IQSEC3: variants seen among roughly 807,000 people sequenced by gnomAD.
IQSEC3 encodes IQ motif and Sec7 domain ArfGEF 3.
Under a neutral mutation model 105.4 loss-of-function variants are expected in IQSEC3, and 50 were observed. That is an observed-to-expected ratio of 0.47 (90% CI 0.38 to 0.60). The LOEUF (loss-of-function observed/expected upper bound fraction) is 0.60. Among genes scored for constraint, IQSEC3 ranks in the 20% least tolerant of loss-of-function variants. The pLI, the probability that IQSEC3 is intolerant of heterozygous loss-of-function variation, is 0.00. For missense variants in IQSEC3, 1,415 were observed against 1,630.0 expected, an observed-to-expected ratio of 0.87 and a Z score of 2.27; for synonymous variants, 708 against 746.0, an observed-to-expected ratio of 0.95 and a Z score of 0.83.
At chr12:171,411 C>A in intron 13 of IQSEC3, 1 of 1,228,072 alleles carries the variant, frequency 8.1e-7, no homozygotes, top group East Asian at 2.3e-5. Context: ...GCCGAGCTCC[C>A]AGACTAACAC....
intron 3 of IQSEC3, among the ~76,000 whole-genome samples, chr12:129,123 G>A (rs1555084317): frequency 6.6e-6 from 1 of 152,256 alleles, no homozygotes; most frequent in African/African-American, 2.4e-5. Flanking sequence ...ATTGCCTGTT[G>A]CCTCCTCTGT....
intron 2 of IQSEC3, among the ~76,000 whole-genome samples, chr12:110,641 AT>A (rs1864850597): frequency 6.6e-6 from 1 of 151,920 alleles, no homozygotes; most frequent in South Asian, 2.1e-4. Flanking sequence ...CCTTATAATC[AT>A]TCCCCTCTCT....
Position 82,947 on chromosome 12 carries a change from G to T in IQSEC3, c.554+15511G>T, listed in dbSNP as rs188167235. On this transcript the variant is annotated intron_variant, in intron 1 of 13. Coordinates refer to ENST00000538872, the MANE Select transcript of IQSEC3 (RefSeq NM_001170738.2). ...GACTGTTGTTCAGCAGGGGATAGGG[G>T]AAAGAAGACAGCCACAAATGCTTGC... 3.0e-3 allele frequency among the ~76,000 whole-genome samples: 454 copies of T among 152,342 alleles called. 2 individuals carry two copies. Among genetic ancestry groups the T allele is most frequent in the African/African-American group, 0.01 (434 of 41,576 alleles).
rs782173768 is a variant in IQSEC3, at chr12:138,752, C to G, written c.1389C>G (p.Pro463=). Residue 463 remains proline, a synonymous_variant, in exon 4 of 14, where the codon CCC becomes CCG. Coordinates refer to ENST00000538872, the MANE Select transcript of IQSEC3 (RefSeq NM_001170738.2). This position sits in a 1 kb window ranked among gnomAD's most constrained non-coding sequence, Gnocchi z 7.1. ...CGCCGGAGAGCGCGGGCCCCGGGCC[C>G]GGGGATGACGCCGCGGAGACCCCCG... ...GRAPESAGPG[P]GDDAAETPGL... The G allele has an allele frequency of 3.9e-6, 6 of 1,548,676 alleles. No individual in the cohort carries two copies. In the South Asian group the frequency reaches 7.1e-5, roughly 18 times the overall value.
chr12:102,446 C>T (rs1041084917), intron 2 of IQSEC3, among the ~76,000 whole-genome samples: 11 of 152,256 alleles, frequency 7.2e-5, no homozygotes, highest in African/African-American at 2.2e-4. Context: ...ACTCCAGCTC[C>T]GGGGCTGAGC....
chr12:124,184 C>T (rs978872074), intron 2 of IQSEC3, among the ~76,000 whole-genome samples: 9 of 151,842 alleles, frequency 5.9e-5, no homozygotes, highest in African/African-American at 1.5e-4. Flanking sequence ...GTCAGGAGTT[C>T]GAGACCAGCC....
chr12:169,167 T>C, intron 12 of IQSEC3, 62 bp downstream of exon 12: 2 of 1,370,696 alleles, frequency 1.5e-6, no homozygotes, highest in Non-Finnish European at 2.1e-6. Flanking sequence ...ACCCTGGGTG[T>C]GGGTCCTGGG....
intron 2 of IQSEC3, among the ~76,000 whole-genome samples, chr12:124,729 G>A (rs1378873379): frequency 1.3e-5 from 2 of 152,252 alleles, no homozygotes; most frequent in Non-Finnish European, 2.9e-5. Flanking sequence ...GCCTCATGGA[G>A]GAGGTGGCTT....
chr12:126,425 G>T (rs570039236), intron 3 of IQSEC3, among the ~76,000 whole-genome samples: 7 of 152,224 alleles, frequency 4.6e-5, no homozygotes, highest in Non-Finnish European at 1.0e-4. Flanking sequence ...ATTCCATGGA[G>T]GGGCCTGGGC....
chr12:125,958 C>CT, intron 3 of IQSEC3, 46 bp downstream of exon 3: 1 of 1,505,208 alleles, frequency 6.6e-7, no homozygotes, highest in South Asian at 1.2e-5. Context: ...TGAAGGGGCC[C>CT]TGCTTTGGGG....
intron 12 of IQSEC3, 100 bp downstream of exon 12, chr12:169,205 C>G (rs548078997): frequency 8.5e-6 from 8 of 945,506 alleles, no homozygotes; most frequent in Admixed American, 2.2e-5. Context: ...TGCCCATTCC[C>G]GTGGCGTGTT....
At chr12:121,463 C>T (rs1865215385) in intron 2 of IQSEC3, among the ~76,000 whole-genome samples, 1 of 152,174 alleles carries the variant, frequency 6.6e-6, no homozygotes, top group Non-Finnish European at 1.5e-5. Flanking sequence ...TGGCAAAGCA[C>T]CAAAGCTCAA....
chr12:134,732 T>TA (rs1219788938), intron 3 of IQSEC3, among the ~76,000 whole-genome samples: 9 of 149,622 alleles, frequency 6.0e-5, no homozygotes, highest in East Asian at 1.9e-4. Flanking sequence ...CTGTCTCTAC[T>TA]AAAAAAAATA....
chr12:170,186 G>A (rs1938902638), intron 12 of IQSEC3, among the ~76,000 whole-genome samples: 3 of 152,204 alleles, frequency 2.0e-5, no homozygotes. Flanking sequence ...AATTCTCCAC[G>A]CTGCCTGATC....
chr12:113,866 G>A (rs1339146443), intron 2 of IQSEC3, among the ~76,000 whole-genome samples: 2 of 152,206 alleles, frequency 1.3e-5, no homozygotes, highest in Non-Finnish European at 2.9e-5. Context: ...GAGAGGCGAG[G>A]AAGTGGCAAA....
chr12:160,609 C>A (rs946572837), intron 7 of IQSEC3, among the ~76,000 whole-genome samples: 21 of 152,116 alleles, frequency 1.4e-4, no homozygotes, highest in Non-Finnish European at 2.4e-4. Context: ...AATGGACCCC[C>A]AGTCTTCTGC....
Position 163,523 on chromosome 12 carries a change from G to A in IQSEC3, c.2613G>A (p.Val871=), listed in dbSNP as rs899355629. 3.1e-6 allele frequency: 5 copies of A among 1,611,316 alleles called. No individual in the cohort carries two copies. Among genetic ancestry groups the A allele is most frequent in the Non-Finnish European group, 4.2e-6 (5 of 1,179,114 alleles). The change falls in exon 9 of 14, where the codon GTG becomes GTA. Residue 871 remains valine (V), a synonymous_variant. Coordinates refer to ENST00000538872, the MANE Select transcript of IQSEC3 (RefSeq NM_001170738.2). ...TVLSVPHRRL[V]CCSRLFEVTD... ...TGTCCGTGCCCCACCGCCGCCTGGTGTGCTGCAGCCGGCTCTTCGAGGTGA... is the reference window on the plus strand; with the variant it reads ...TGTCCGTGCCCCACCGCCGCCTGGTATGCTGCAGCCGGCTCTTCGAGGTGA...
At chr12:107,946 G>C (rs1245352897) in intron 2 of IQSEC3, among the ~76,000 whole-genome samples, 3 of 152,146 alleles carry the variant, frequency 2.0e-5, no homozygotes, top group African/African-American at 7.2e-5. Context: ...TCCTCAGTTT[G>C]AGTGGCCCTA....
chr12:100,114 T>C (rs1358006242), intron 2 of IQSEC3, among the ~76,000 whole-genome samples: 2 of 152,200 alleles, frequency 1.3e-5, no homozygotes, highest in African/African-American at 4.8e-5. Context: ...TTGGGCAAGT[T>C]ACTCCACTGC....
Sources: gnomAD v4.1 joint callset for allele counts (sites outside exome capture counted in the v4.1 genomes callset) on GRCh38, gnomAD v4.1.1 for gene constraint, Gnocchi (gnomAD v3.1) non-coding constraint, MANE v1.5 for transcripts, NCBI Gene and HGNC (gene_info 2026-07-23, HGNC 2026-07-21) for gene names.